The following FRMPD4 variants were observed in gnomAD, a reference collection of about 807,000 sequenced individuals.
FRMPD4 encodes the protein FERM and PDZ domain containing 4, also known as FERM and PDZ domain-containing protein 4.
A neutral mutation model predicts 94.1 loss-of-function variants in FRMPD4; 22 were observed. The ratio of observed to expected loss-of-function variants is 0.23; its 90% CI spans 0.17 to 0.33. FRMPD4 has a LOEUF of 0.33. Among genes scored for constraint, FRMPD4 ranks in the 10% least tolerant of loss-of-function variants. The pLI, the probability that FRMPD4 is intolerant of heterozygous loss-of-function variation, is 1.00. For missense variants in FRMPD4, 1,111 were observed against 1,339.9 expected, an observed-to-expected ratio of 0.83 and a Z score of 2.67; for synonymous variants, 631 against 548.6, an observed-to-expected ratio of 1.15 and a Z score of -2.10.
chrX:12,457,888 C>T (rs932656907), intron 1 of FRMPD4, among the ~76,000 whole-genome samples: 1 of 111,857 alleles, frequency 8.9e-6, no homozygotes, highest in African/African-American at 3.2e-5. Context: ...AGATAGCAAG[C>T]CTGAAACTGC....
At chrX:12,699,693 C>G (rs192497293) in intron 9 of FRMPD4, among the ~76,000 whole-genome samples, 1 of 112,511 alleles carries the variant, frequency 8.9e-6, no homozygotes, top group East Asian at 2.8e-4. Flanking sequence ...AGAAGTTTCA[C>G]TAAAAAATCA....
intron 4 of FRMPD4, among the ~76,000 whole-genome samples, chrX:12,669,314 A>G (rs1303173480): frequency 8.9e-6 from 1 of 111,831 alleles, no homozygotes; most frequent in Non-Finnish European, 1.9e-5. Flanking sequence ...AAATCACTGA[A>G]GTGAGTTTGG....
chrX:12,321,558 C>CTAAG (rs1294851528), intron 1 of FRMPD4, among the ~76,000 whole-genome samples: 1 of 112,285 alleles, frequency 8.9e-6, no homozygotes, highest in Admixed American at 9.5e-5. Flanking sequence ...GTAGGCTAAG[C>CTAAG]TAAGCTATGA....
intron 1 of FRMPD4, among the ~76,000 whole-genome samples, chrX:12,283,211 G>A (rs1295808378): frequency 8.8e-6 from 1 of 113,211 alleles, no homozygotes; most frequent in Non-Finnish European, 1.9e-5. Context: ...TCCATCTGGT[G>A]CTGTGAGGAC....
intron 1 of FRMPD4, among the ~76,000 whole-genome samples, chrX:12,455,235 A>G (rs2057320844): frequency 9.0e-6 from 1 of 111,594 alleles, no homozygotes; most frequent in African/African-American, 3.3e-5. Context: ...CACTAACAGA[A>G]TGTCGCCTGA....
chrX:11,910,146 G>A (rs2053988913), intron 3 of FRMPD4, among the ~76,000 whole-genome samples: 1 of 111,395 alleles, frequency 9.0e-6, no homozygotes, highest in African/African-American at 3.3e-5. Flanking sequence ...TCCATTTCAA[G>A]AATCTTAATA....
chrX:12,481,896 T>C (rs1168158558), intron 1 of FRMPD4, among the ~76,000 whole-genome samples: 1 of 83,934 alleles, frequency 1.2e-5, no homozygotes, highest in Non-Finnish European at 2.2e-5. Context: ...TGAGCCGAGA[T>C]TGCGCCACTG....
chrX:12,168,235 C>A (rs1281242477), intron 1 of FRMPD4, among the ~76,000 whole-genome samples: 1 of 111,430 alleles, frequency 9.0e-6, no homozygotes, highest in Non-Finnish European at 1.9e-5. Flanking sequence ...CACTCTCCTT[C>A]CTTTGCCCAT....
chrX:12,206,708 A>G (rs746891377), intron 1 of FRMPD4, among the ~76,000 whole-genome samples: 29 of 111,955 alleles, frequency 2.6e-4, no homozygotes, highest in African/African-American at 8.1e-4. Context: ...CCTCAGTGGT[A>G]GCAGCTGTGA....
chrX:11,855,109 A>G (rs2053646864), intron 1 of FRMPD4, among the ~76,000 whole-genome samples: 1 of 112,777 alleles, frequency 8.9e-6, no homozygotes, highest in Admixed American at 9.3e-5. Flanking sequence ...CATGTATAAG[A>G]TACTAAGGCT....
In FRMPD4 at chrX:12,069,453, C is replaced by G. The variant is rs1472408803; in HGVS notation, c.95+191435C>G. 6.3e-5 allele frequency among the ~76,000 whole-genome samples: 7 copies of G among 111,880 alleles called. No individual in the cohort carries two copies. The Admixed American group carries it at 6.6e-4, about 11-fold the overall frequency. On this transcript the variant is annotated intron_variant, in intron 3 of 18. Coordinates refer to the FRMPD4 transcript ENST00000640291. The stretch of plus-strand genomic sequence containing the variant: ...GAGTCCAGGCAACTTGTGATGGCAT[C>G]TTAAATGTCAGTTGCCACAGCAGAG...
At chrX:12,325,889 A>G (rs1415670509) in intron 1 of FRMPD4, among the ~76,000 whole-genome samples, 2 of 112,368 alleles carry the variant, frequency 1.8e-5, no homozygotes, top group Admixed American at 9.4e-5. Flanking sequence ...TGTGAAATGA[A>G]TAAGTATGTT....
At chrX:12,265,103 T>C (rs6639169) in intron 1 of FRMPD4, among the ~76,000 whole-genome samples, 22,213 of 111,332 alleles carry the variant, frequency 0.2, 1,845 homozygotes, top group East Asian at 0.42. Context: ...AAAGACAAAG[T>C]AATTCTCAAT....
chrX:12,240,931 T>C (rs2057122516), intron 1 of FRMPD4, among the ~76,000 whole-genome samples: 1 of 111,952 alleles, frequency 8.9e-6, no homozygotes, highest in Admixed American at 9.5e-5. Context: ...TTCATGTGAG[T>C]GTAGTTGCTC....
At chrX:12,232,498 C>G (rs1174000431) in intron 1 of FRMPD4, among the ~76,000 whole-genome samples, 1 of 110,768 alleles carries the variant, frequency 9.0e-6, no homozygotes, top group East Asian at 2.9e-4. Flanking sequence ...ATTACCTCCA[C>G]TGGGTCCCTC....
intron 1 of FRMPD4, among the ~76,000 whole-genome samples, chrX:11,843,701 G>T (rs932517232): frequency 9.0e-6 from 1 of 110,856 alleles, no homozygotes; most frequent in Non-Finnish European, 1.9e-5. Context: ...GGGACTACAG[G>T]CATGTATGAC....
At chrX:12,529,126 A>T (rs1187501788) in intron 2 of FRMPD4, among the ~76,000 whole-genome samples, 4 of 112,271 alleles carry the variant, frequency 3.6e-5, no homozygotes, top group Non-Finnish European at 7.5e-5. Flanking sequence ...TAGGACTTGG[A>T]ATCTCATTTG....
chrX:12,103,919 A>G (rs995003712), intron 3 of FRMPD4, among the ~76,000 whole-genome samples: 2 of 111,848 alleles, frequency 1.8e-5, no homozygotes, highest in Non-Finnish European at 3.8e-5. Context: ...TTGTGCTGCT[A>G]TAACAGACTA....
intron 1 of FRMPD4, among the ~76,000 whole-genome samples, chrX:12,443,146 A>G (rs141308884): frequency 0.044 from 4,913 of 111,597 alleles, 310 homozygotes; most frequent in African/African-American, 0.15. Context: ...AAAGTTTTCT[A>G]AAAATAGAAA....
Sources: gnomAD v4.1 joint callset for allele counts (sites outside exome capture counted in the v4.1 genomes callset) on GRCh38, gnomAD v4.1.1 for gene constraint, MANE v1.5 for transcripts, NCBI Gene and HGNC (gene_info 2026-07-23, HGNC 2026-07-21) for gene names.